Variants in ZZEF1 observed in about 807,000 individuals in gnomAD.
ZZEF1 encodes zinc finger ZZ-type and EF-hand domain-containing protein 1.
In ZZEF1, 157 loss-of-function variants were observed where a neutral mutation model predicts 342.8. The observed-to-expected ratio is 0.46, with a 90% confidence interval of 0.40 to 0.52. The LOEUF (loss-of-function observed/expected upper bound fraction) is 0.52, where lower values mean the gene tolerates loss of function less well. Among genes scored for constraint, ZZEF1 ranks in the 20% least tolerant of loss-of-function variants. The pLI is 0.00. For synonymous variants in ZZEF1, 1,505 were observed against 1,429.1 expected, an observed-to-expected ratio of 1.05 and a Z score of -1.20; for missense variants, 3,480 against 3,725.6, an observed-to-expected ratio of 0.93 and a Z score of 1.72.
rs760633089 is a variant in ZZEF1, at chr17:4,016,475, A to G, written c.8002-9T>C. 3.1e-6 allele frequency: 5 copies of G among 1,604,664 alleles called. No homozygotes were observed. Among genetic ancestry groups the G allele is most frequent in the Admixed American group, 3.4e-5 (2 of 58,432 alleles). ...AGCACTTTCTGCAGGATCTGGTGGG[A>G]AGCAGACAGATAAGGTCAGGGCCTG... On this transcript the variant is annotated splice_polypyrimidine_tract_variant and intron_variant, in intron 48 of 54. Transcript: ENST00000381638. The surrounding 1 kb of genome is among the most constrained non-coding windows in gnomAD (Gnocchi z 4.4).
chr17:4,025,901 C>T (rs899808330), intron 42 of ZZEF1, among the ~76,000 whole-genome samples: 5 of 152,182 alleles, frequency 3.3e-5, no homozygotes, highest in African/African-American at 1.2e-4. Context: ...TATCTGCAGA[C>T]GATTTCCAAG....
At chr17:4,131,975 T>C (rs1407502406) in intron 1 of ZZEF1, among the ~76,000 whole-genome samples, 1 of 151,838 alleles carries the variant, frequency 6.6e-6, no homozygotes, top group Non-Finnish European at 1.5e-5. Context: ...ATGGTGGAAA[T>C]AAAATAGATA....
intron 51 of ZZEF1, among the ~76,000 whole-genome samples, 170 bp from the exon 52 acceptor site, chr17:4,013,784 A>G (rs993018006): frequency 4.6e-5 from 7 of 152,248 alleles, no homozygotes; most frequent in Admixed American, 1.3e-4. Flanking sequence ...GGCTTTTGTA[A>G]AAATAACACA....
intron 9 of ZZEF1, among the ~76,000 whole-genome samples, chr17:4,097,682 C>A (rs1357373050): frequency 6.6e-6 from 1 of 151,958 alleles, no homozygotes; most frequent in Non-Finnish European, 1.5e-5. Flanking sequence ...GGATACTGAC[C>A]AACATTCTAT....
intron 10 of ZZEF1, among the ~76,000 whole-genome samples, 172 bp from the exon 11 acceptor site, chr17:4,096,151 T>C (rs575531860): frequency 6.6e-6 from 1 of 152,366 alleles, no homozygotes; most frequent in East Asian, 1.9e-4. Context: ...GAAATGTTCC[T>C]TAACTTTCTC....
At position 4,086,565 on chromosome 17, in the gene ZZEF1, A is replaced by G; in HGVS notation, c.2433T>C (p.Ala811=). The change falls in exon 15 of 55, where the codon GCT becomes GCC. Residue 811 remains alanine, a synonymous_variant. Transcript: ENST00000381638. ...GGATTGGAGCCTTTTCCTCCTCAGA[A>G]GCAGCCAGTACATCTCCCTGCAGCA... ...FSVLQGDVLA[A]SEEEKAPIQS... is the part of the protein sequence containing the mutation. The G allele has an allele frequency of 6.2e-7, 1 of 1,614,208 alleles. No individual in the cohort carries two copies. The highest frequency in any genetic ancestry group is 8.5e-7 in the Non-Finnish European group (1 of 1,180,036).
chr17:4,100,853 A>G (rs774210861), intron 9 of ZZEF1, among the ~76,000 whole-genome samples: 1 of 152,216 alleles, frequency 6.6e-6, no homozygotes, highest in Non-Finnish European at 1.5e-5. Context: ...ATAAAAATAA[A>G]GAAATAAAAA....
chr17:4,016,850 G>A lies in ZZEF1; in HGVS notation c.8002-384C>T, dbSNP rs2056115619. On this transcript the variant is annotated intron_variant, in intron 48 of 54. Transcript: ENST00000381638. The surrounding 1 kb of genome is among the most constrained non-coding windows in gnomAD (Gnocchi z 4.4). ...CAGGGTTGGGAGCTCTAGGTGGCAA[G>A]AACTGTGGGAGGACACGCCTATGCA... is the stretch of plus-strand genomic sequence containing the variant. The A allele has an allele frequency of 5.0e-6, 1 of 198,350 alleles. No individual in the cohort carries two copies. The highest frequency in any genetic ancestry group is 5.2e-5 in the Admixed American group (1 of 19,052). 12.3% of individuals were successfully genotyped at this position (198,350 alleles called of 1,614,324 possible).
intron 3 of ZZEF1, among the ~76,000 whole-genome samples, chr17:4,116,157 A>G (rs1480785020): frequency 6.6e-6 from 1 of 152,166 alleles, no homozygotes; most frequent in East Asian, 1.9e-4. Flanking sequence ...TGTCTCTACT[A>G]AAAATACAGA....
rs748495915 is a variant in ZZEF1 at position 4,074,163 on chromosome 17, G to C, written c.3672C>G (p.Leu1224=). The C allele has an allele frequency of 1.2e-6, 2 of 1,613,894 alleles. No individual in the cohort carries two copies. The highest frequency in any genetic ancestry group is 1.7e-6 in the Non-Finnish European group (2 of 1,179,906). ...ATGTGCACTTACGGCGCACAGACTTGAGCGCCATGCACTGGGAAGCCAGGC... is the reference window on the plus strand; with the variant it reads ...ATGTGCACTTACGGCGCACAGACTTCAGCGCCATGCACTGGGAAGCCAGGC... ...MGRLASQCMA[L]KSVRQLGSNM... Residue 1224 remains leucine, a synonymous_variant, in exon 24 of 55, where the codon CTC becomes CTG. Transcript: ENST00000381638.
At position 4,008,840 on chromosome 17, in the gene ZZEF1, C is replaced by T. The variant is rs116484196; in HGVS notation, c.8805+43G>A. The T allele has an allele frequency of 9.5e-4, 1,462 of 1,540,270 alleles. 11 individuals carry two copies. The African/African-American group carries it at 0.018, about 19-fold the overall frequency. On this transcript the variant is annotated intron_variant, in intron 54 of 54. Coordinates refer to ENST00000381638, the MANE Select transcript of ZZEF1 (RefSeq NM_015113.4). This position sits in a 1 kb window ranked among gnomAD's most constrained non-coding sequence, Gnocchi z 4.2. ...TGCCCTGGCAATGGTGAGATGGTGG[C>T]GCCCCAGCCTGGGGGCCAGCTCTGT...
intron 39 of ZZEF1, among the ~76,000 whole-genome samples, chr17:4,035,277 T>C (rs1212808006): frequency 1.3e-5 from 2 of 152,174 alleles, no homozygotes; most frequent in African/African-American, 4.8e-5. Flanking sequence ...TTATCCTCAG[T>C]GTGACTCAAG....
At position 4,022,920 on chromosome 17, in the gene ZZEF1, T is replaced by C. The variant is rs1404982612; in HGVS notation, c.7093-92A>G. 3.3e-6 allele frequency: 5 copies of C among 1,507,578 alleles called. No individual in the cohort carries two copies. In the East Asian group the frequency reaches 6.9e-5, roughly 21 times the overall value. 93.4% of individuals were successfully genotyped at this position (1,507,578 alleles called of 1,614,324 possible). Reference sequence around the variant, plus strand: ...CTCAGTCTGTTCATTCACTCTTTCATTCATTCGTCCATTCAACACATACTT... The same window carrying C: ...CTCAGTCTGTTCATTCACTCTTTCACTCATTCGTCCATTCAACACATACTT... On this transcript the variant is annotated intron_variant, in intron 43 of 54. Transcript: ENST00000381638.
rs558588815 is a variant in ZZEF1, at chr17:4,142,926, A to AGCCGCC, written c.-37_-32dup. Reference sequence around the variant, plus strand: ...CTCCGTCTTGGGCGCCTGGCTCTGCAGCCGCCGCCGCCGCCTCCCCGCCTC... The same window carrying AGCCGCC: ...CTCCGTCTTGGGCGCCTGGCTCTGCAGCCGCCGCCGCCGCCGCCGCCTCCCCGCCTC... On this transcript the variant is annotated 5_prime_UTR_variant, in exon 1 of 55. Coordinates refer to ENST00000381638, the MANE Select transcript of ZZEF1 (RefSeq NM_015113.4). 8.4e-6 allele frequency: 11 copies of AGCCGCC among 1,303,776 alleles called. No homozygotes were observed. Among genetic ancestry groups the AGCCGCC allele is most frequent in the Non-Finnish European group, 9.7e-6 (10 of 1,029,742 alleles). 80.8% of individuals were successfully genotyped at this position (1,303,776 alleles called of 1,614,324 possible).
chr17:4,051,962 G>C lies in ZZEF1; in HGVS notation c.5600+9C>G. 1 of 1,611,436 alleles carries C rather than the reference G, an allele frequency of 6.2e-7. No homozygotes were observed. Among genetic ancestry groups the C allele is most frequent in the Admixed American group, 1.7e-5 (1 of 59,842 alleles). On this transcript the variant is annotated intron_variant, in intron 35 of 54. Transcript: ENST00000381638. ...AAAGGCTTGGTGGCGACGGTCACTT[G>C]AGACATACCCGTAGGAGTATTTCTT...
At chr17:4,021,437 G>A in intron 44 of ZZEF1, 117 bp from the exon 45 acceptor site, 3 of 703,010 alleles carry the variant, frequency 4.3e-6, no homozygotes, top group Non-Finnish European at 6.5e-6. Context: ...TCTACCTGAA[G>A]AATGTGAAAT....
chr17:4,087,944 T>A (rs1480817347), intron 13 of ZZEF1, among the ~76,000 whole-genome samples: 2 of 152,168 alleles, frequency 1.3e-5, no homozygotes, highest in Non-Finnish European at 2.9e-5. Context: ...CTGAAAGGTA[T>A]CAATCCTTCC....
chr17:4,057,200 A>G (rs2057180756), intron 32 of ZZEF1, among the ~76,000 whole-genome samples: 1 of 152,222 alleles, frequency 6.6e-6, no homozygotes. Flanking sequence ...AACCGCGAGC[A>G]GGCCCACAGC....
intron 53 of ZZEF1, chr17:4,009,319 CATCGTTTTATTTTCCAAAACT>C (rs1180475255): frequency 1.7e-6 from 1 of 573,816 alleles, no homozygotes; most frequent in Non-Finnish European, 3.1e-6. Flanking sequence ...AGAAATAACC[CATCGTTTTATTTTCCAAAACT>C]CACTGTTGTC....
Sources: gnomAD v4.1 joint callset for allele counts (sites outside exome capture counted in the v4.1 genomes callset) on GRCh38, gnomAD v4.1.1 for gene constraint, Gnocchi (gnomAD v3.1) non-coding constraint, MANE v1.5 for transcripts, NCBI Gene and HGNC (gene_info 2026-07-23, HGNC 2026-07-21) for gene names.